Variants in GALP observed in about 807,000 individuals in gnomAD.
GALP encodes galanin like peptide.
GALP carries 12 observed loss-of-function variants against 15.2 expected under a neutral mutation model. The ratio of observed to expected loss-of-function variants is 0.79; its 90% CI spans 0.51 to 1.28. The LOEUF (loss-of-function observed/expected upper bound fraction) is 1.28. Ranked by LOEUF, GALP falls within the 50% of genes most tolerant of loss-of-function variation. The pLI, the probability that GALP is intolerant of heterozygous loss-of-function variation, is 0.00. For synonymous variants in GALP, 58 were observed against 55.1 expected (o/e 1.05, Z -0.23); for missense variants, 161 against 145.6 (o/e 1.11, Z -0.55).
At chr19:56,178,521 C>CAAAAAAAAAAAAAAAAAAAAAA (rs80223966) in intron 2 of GALP, among the ~76,000 whole-genome samples, 2 of 85,776 alleles carry the variant, frequency 2.3e-5, no homozygotes, top group Non-Finnish European at 4.6e-5. Context: ...ACAACAACAA[C>CAAAAAAAAAAAAAAAAAAAAAA]AAAAAAAAAA....
chr19:56,185,377 C>T lies in GALP; in HGVS notation c.*107C>T. 1 of 635,352 alleles carries T rather than the reference C, an allele frequency of 1.6e-6. No homozygotes were observed. Among genetic ancestry groups the T allele is most frequent in the South Asian group, 2.1e-5 (1 of 46,626 alleles). 39.4% of individuals were successfully genotyped at this position (635,352 alleles called of 1,614,324 possible). ...AGACTAAGATCCTGAAGTTAAATACCCAGGTCTCATGAAGACATTGTAAAG... is the reference window on the plus strand; with the variant it reads ...AGACTAAGATCCTGAAGTTAAATACTCAGGTCTCATGAAGACATTGTAAAG... On this transcript the variant is annotated 3_prime_UTR_variant, in exon 6 of 6. Transcript: ENST00000357330.
intron 3 of GALP, among the ~76,000 whole-genome samples, chr19:56,181,211 G>A (rs2032561542): frequency 6.6e-6 from 1 of 151,722 alleles, no homozygotes; most frequent in Non-Finnish European, 1.5e-5. Flanking sequence ...TTACAGGCAT[G>A]AGCCACCACA....
intron 4 of GALP, 70 bp downstream of exon 4, chr19:56,182,322 CTG>C: frequency 8.6e-7 from 1 of 1,160,288 alleles, no homozygotes; most frequent in Non-Finnish European, 1.3e-6. Context: ...GCTTTGGAAA[CTG>C]GTAGATGTGA....
At chr19:56,178,864 A>G (rs2032512725) in intron 2 of GALP, among the ~76,000 whole-genome samples, 2 of 152,158 alleles carry the variant, frequency 1.3e-5, no homozygotes, top group South Asian at 4.1e-4. Flanking sequence ...TATTCAGTGC[A>G]CATCCTCCTT....
intron 2 of GALP, among the ~76,000 whole-genome samples, chr19:56,179,148 G>C (rs1282406732): frequency 6.6e-6 from 1 of 151,470 alleles, no homozygotes; most frequent in Non-Finnish European, 1.5e-5. Context: ...CTGCGCTTCA[G>C]CCTGGGTGGC....
chr19:56,177,153 G>T lies in GALP; in HGVS notation c.45G>T (p.Leu15Phe), dbSNP rs752431508. The T allele has an allele frequency of 3.7e-6, 6 of 1,613,562 alleles. No homozygotes were observed. Among genetic ancestry groups the T allele is most frequent in the East Asian group, 4.5e-5 (2 of 44,824 alleles). ...SVPLVLLLVL[L>F]LSLAETPASA... ...CCCTGGTCCTCCTCCTCGTCCTCTT[G>T]CTGAGCCTGGCAGAGACTCCAGCAT... Residue 15 changes from leucine to phenylalanine, a missense_variant, in exon 2 of 6, where the codon TTG (leucine) becomes TTT (phenylalanine). By Grantham distance (22) the Leu-to-Phe change is conservative (BLOSUM62 0). Transcript: ENST00000357330.
intron 4 of GALP, among the ~76,000 whole-genome samples, chr19:56,182,657 A>G (rs1599930659): frequency 6.6e-6 from 1 of 152,118 alleles, no homozygotes. Context: ...ATGGTGGCTC[A>G]CGCCTGTCAT....
At chr19:56,179,979 G>C (rs199741595) in intron 2 of GALP, among the ~76,000 whole-genome samples, 1 of 152,026 alleles carries the variant, frequency 6.6e-6, no homozygotes, top group East Asian at 1.9e-4. Context: ...TAGAGACGAG[G>C]TTGGCCAGGC....
rs1166347082 is a variant in GALP at position 56,183,180 on chromosome 19, T to G, written c.263T>G (p.Val88Gly). 2 of 1,613,688 alleles carry G rather than the reference T, an allele frequency of 1.2e-6. No homozygotes were observed. Among genetic ancestry groups the G allele is most frequent in the African/African-American group, 2.7e-5 (2 of 74,828 alleles). Residue 88 changes from valine to glycine, a missense_variant, in exon 5 of 6, where the codon GTG (valine) becomes GGG (glycine). Physicochemically the swap from Val to Gly is moderately radical, Grantham distance 109 (BLOSUM62 -3). Coordinates refer to ENST00000357330, the MANE Select transcript of GALP (RefSeq NM_033106.4). Reference sequence around the variant, plus strand: ...CCTCCACAGCCCTCCAAGAGGAATGTGATGGAGACGTTTGCCAAACCAGAG... The same window carrying G: ...CCTCCACAGCCCTCCAAGAGGAATGGGATGGAGACGTTTGCCAAACCAGAG... Reference protein sequence around the residue: ...SHPPQPSKRNVMETFAKPEIG... With the variant: ...SHPPQPSKRNGMETFAKPEIG...
chr19:56,180,067 A>G (rs902660938), intron 2 of GALP, among the ~76,000 whole-genome samples: 2 of 152,122 alleles, frequency 1.3e-5, no homozygotes, highest in Admixed American at 1.3e-4. Flanking sequence ...GAGAGCCACC[A>G]CGCCCGGCCT....
intron 3 of GALP, among the ~76,000 whole-genome samples, chr19:56,181,000 C>T (rs1335946142): frequency 7.0e-6 from 1 of 143,832 alleles, no homozygotes; most frequent in Non-Finnish European, 1.5e-5. Context: ...TCTCAGCTCA[C>T]TGCAACCTCC....
intron 2 of GALP, among the ~76,000 whole-genome samples, chr19:56,178,393 G>A (rs1329170596): frequency 6.6e-6 from 1 of 151,842 alleles, no homozygotes; most frequent in African/African-American, 2.4e-5. Flanking sequence ...AACCCAGGAG[G>A]CTGAGTTTGC....
At chr19:56,179,989 C>T (rs1490620455) in intron 2 of GALP, among the ~76,000 whole-genome samples, 1 of 152,064 alleles carries the variant, frequency 6.6e-6, no homozygotes, top group African/African-American at 2.4e-5. Flanking sequence ...GTTGGCCAGG[C>T]TGGTCTTGAA....
intron 3 of GALP, 78 bp from the exon 4 acceptor site, chr19:56,182,094 T>C: frequency 9.9e-7 from 1 of 1,012,046 alleles, no homozygotes. Flanking sequence ...TGAGCCATGC[T>C]GTTGAATTGA....
At position 56,180,557 on chromosome 19, in the gene GALP, T is replaced by C. The variant is rs2122165072; in HGVS notation, c.88-29T>C. ...ACGCCTGCCCCGCTTTCTGTCTGCTTGAGTCTTGATTTCTGCATCTCTATC... is the reference window on the plus strand; with the variant it reads ...ACGCCTGCCCCGCTTTCTGTCTGCTCGAGTCTTGATTTCTGCATCTCTATC... On this transcript the variant is annotated intron_variant, in intron 2 of 5. Transcript: ENST00000357330. The C allele has an allele frequency of 1.9e-6, 3 of 1,607,486 alleles. No homozygotes were observed. In the East Asian group the frequency reaches 6.7e-5, roughly 36 times the overall value.
intron 2 of GALP, among the ~76,000 whole-genome samples, chr19:56,178,004 G>A (rs34370513): frequency 0.21 from 31,870 of 151,956 alleles, 3,924 homozygotes; most frequent in African/African-American, 0.32. Flanking sequence ...CTTGAAAATT[G>A]CTAAGAGAGT....
At chr19:56,184,395 C>T (rs927593281) in intron 5 of GALP, among the ~76,000 whole-genome samples, 4 of 152,162 alleles carry the variant, frequency 2.6e-5, no homozygotes, top group Admixed American at 1.3e-4. Flanking sequence ...TCAGCAGATG[C>T]CCAAACCCCA....
intron 3 of GALP, among the ~76,000 whole-genome samples, chr19:56,180,915 CTT>C (rs1174325788): frequency 5.5e-4 from 22 of 40,144 alleles, no homozygotes; most frequent in African/African-American, 1.9e-3. Flanking sequence ...TTCTTTCTTT[CTT>C]TTTTTTTTTT....
intron 4 of GALP, among the ~76,000 whole-genome samples, chr19:56,182,678 G>C (rs1464525393): frequency 6.6e-6 from 1 of 152,062 alleles, no homozygotes; most frequent in Non-Finnish European, 1.5e-5. Context: ...CCATACTCAA[G>C]CCTCCGAGTA....
Sources: allele counts gnomAD v4.1 joint callset (sites outside exome capture counted in the v4.1 genomes callset), GRCh38; gene constraint gnomAD v4.1.1; transcripts MANE v1.5; gene names NCBI Gene and HGNC (gene_info 2026-07-23, HGNC 2026-07-21).